The following KIAA1328 variants were observed in gnomAD, a reference collection of about 807,000 sequenced individuals.
KIAA1328 encodes KIAA1328.
A neutral mutation model predicts 68.1 loss-of-function variants in KIAA1328; 52 were observed. The observed-to-expected ratio is 0.76, with a 90% confidence interval of 0.61 to 0.96. The LOEUF (loss-of-function observed/expected upper bound fraction) is 0.96, where lower values mean the gene tolerates loss of function less well. KIAA1328 is among the 40% of genes least tolerant of loss of function. KIAA1328 has a pLI of 0.00. For synonymous variants in KIAA1328, 232 were observed against 239.4 expected (o/e 0.97, Z 0.28); for missense variants, 641 against 677.6 (o/e 0.95, Z 0.60).
chr18:37,091,963 A>G (rs1477004561), intron 7 of KIAA1328, among the ~76,000 whole-genome samples: 3 of 152,074 alleles, frequency 2.0e-5, no homozygotes, highest in South Asian at 4.1e-4. Context: ...ACAGAACAGC[A>G]CATGCCTTCA....
intron 7 of KIAA1328, among the ~76,000 whole-genome samples, chr18:37,070,098 T>C (rs2056473845): frequency 6.6e-6 from 1 of 152,150 alleles, no homozygotes; most frequent in Admixed American, 6.5e-5. Flanking sequence ...TATTTAGAAG[T>C]GTTATATTTA....
In KIAA1328 at chr18:37,071,471, G is replaced by A. The variant is rs559486896; in HGVS notation, c.1232+3926G>A. Among the ~76,000 whole-genome samples, 26 of 152,042 alleles carry A rather than the reference G, an allele frequency of 1.7e-4. No individual in the cohort carries two copies. The South Asian group carries it at 3.5e-3, about 21-fold the overall frequency. On this transcript the variant is annotated intron_variant, in intron 7 of 9. Coordinates refer to ENST00000280020, the MANE Select transcript of KIAA1328 (RefSeq NM_020776.3). ...AACTGTGGATTGAAAATAGTTGGGG[G>A]CAATAAATAATGCAACAATAAAACT...
At chr18:36,946,828 G>A (rs1323979725) in intron 5 of KIAA1328, among the ~76,000 whole-genome samples, 2 of 152,132 alleles carry the variant, frequency 1.3e-5, no homozygotes, top group Non-Finnish European at 2.9e-5. Context: ...TGTGAAATAG[G>A]TGATGATAGT....
chr18:36,941,941 A>G (rs2050728987), intron 5 of KIAA1328, among the ~76,000 whole-genome samples: 1 of 152,216 alleles, frequency 6.6e-6, no homozygotes, highest in African/African-American at 2.4e-5. Flanking sequence ...AAAGAACCTA[A>G]TAAAAATGAT....
Position 37,223,045 on chromosome 18 carries a change from T to TGGGGGGGGGGC in KIAA1328, c.*818_*819insGGGGGGGGGGC. On this transcript the variant is annotated 3_prime_UTR_variant, in exon 10 of 10. Coordinates refer to ENST00000280020, the MANE Select transcript of KIAA1328 (RefSeq NM_020776.3). ...TTATTTACCCAAGTGTTCAGCTTAT[T>TGGGGGGGGGGC]CACCCCACCCCCCCACCCCCCATCA... The TGGGGGGGGGGC allele has an allele frequency of 1.0e-6, 1 of 974,258 alleles. No individual in the cohort carries two copies. Among genetic ancestry groups the TGGGGGGGGGGC allele is most frequent in the Non-Finnish European group, 1.2e-6 (1 of 825,510 alleles). The allele number at this position is 974,258 out of a possible 1,614,324, so 60.4% of individuals were successfully genotyped here. A position where few individuals can be genotyped will look rare whatever the true frequency, so the allele number is the denominator to read the frequency against.
intron 7 of KIAA1328, among the ~76,000 whole-genome samples, chr18:37,115,373 TAAACGTA>T (rs1230001880): frequency 6.6e-6 from 1 of 152,142 alleles, no homozygotes; most frequent in African/African-American, 2.4e-5. Context: ...CACAAATCAA[TAAACGTA>T]ATCCATCATA....
chr18:36,913,479 T>TACACACACACACACACAC, intron 5 of KIAA1328, among the ~76,000 whole-genome samples: 1 of 91,426 alleles, frequency 1.1e-5, no homozygotes, highest in East Asian at 3.3e-4. Context: ...ATTACAACCT[T>TACACACACACACACACAC]ACACACACAC....
chr18:36,911,972 CTGAG>C (rs1182610248), intron 5 of KIAA1328, among the ~76,000 whole-genome samples: 1 of 149,126 alleles, frequency 6.7e-6, no homozygotes, highest in Non-Finnish European at 1.5e-5. Context: ...GAAGGCTTTA[CTGAG>C]TGAGAAAAAA....
chr18:36,944,307 G>A (rs1253472147), intron 5 of KIAA1328, among the ~76,000 whole-genome samples: 1 of 151,892 alleles, frequency 6.6e-6, no homozygotes, highest in East Asian at 1.9e-4. Context: ...GGCCAGGCGC[G>A]GTGGCTCACA....
intron 6 of KIAA1328, among the ~76,000 whole-genome samples, chr18:37,001,285 A>C (rs2053577368): frequency 6.6e-6 from 1 of 152,116 alleles, no homozygotes; most frequent in Non-Finnish European, 1.5e-5. Flanking sequence ...AAATGGATAA[A>C]TTCCTGGAAA....
chr18:37,070,319 T>G (rs1683510), intron 7 of KIAA1328, among the ~76,000 whole-genome samples: 61,466 of 151,966 alleles, frequency 0.4, 14,297 homozygotes, highest in African/African-American at 0.64. Context: ...CTGTAAATTG[T>G]ATCCTATTAT....
chr18:37,020,562 T>C (rs2054309674), intron 6 of KIAA1328, among the ~76,000 whole-genome samples: 1 of 152,348 alleles, frequency 6.6e-6, no homozygotes, highest in South Asian at 2.1e-4. Context: ...TTCAGAATGG[T>C]AAACAGTATG....
chr18:37,151,830 G>C (rs1270483893), intron 7 of KIAA1328, among the ~76,000 whole-genome samples: 1 of 152,128 alleles, frequency 6.6e-6, no homozygotes, highest in Non-Finnish European at 1.5e-5. Context: ...CCATAGAAGA[G>C]GGCAGCTAGG....
chr18:36,965,604 C>T (rs1452862179), intron 6 of KIAA1328, among the ~76,000 whole-genome samples: 1 of 148,934 alleles, frequency 6.7e-6, no homozygotes, highest in Non-Finnish European at 1.5e-5. Context: ...CTCCTGACCT[C>T]AGGTGATCCA....
chr18:36,923,586 G>C lies in KIAA1328; in HGVS notation c.449-35722G>C, dbSNP rs936497501. 2.6e-5 allele frequency among the ~76,000 whole-genome samples: 4 copies of C among 152,104 alleles called. No homozygotes were observed. The East Asian group carries it at 5.8e-4, about 22-fold the overall frequency. ...ATAAGTTGATTTGTATATCATTAAAGAAATTGTATTTGTAGTTAAAAACCA... is the reference window on the plus strand; with the variant it reads ...ATAAGTTGATTTGTATATCATTAAACAAATTGTATTTGTAGTTAAAAACCA... On this transcript the variant is annotated intron_variant, in intron 5 of 9. Transcript: ENST00000280020.
At chr18:36,893,453 G>GTTTT (rs2048760891) in intron 5 of KIAA1328, among the ~76,000 whole-genome samples, 3 of 137,916 alleles carry the variant, frequency 2.2e-5, no homozygotes, top group Non-Finnish European at 3.2e-5. Flanking sequence ...GTGTGTGTGT[G>GTTTT]TGTGTGTGTT....
At chr18:36,945,213 A>T (rs1372915477) in intron 5 of KIAA1328, among the ~76,000 whole-genome samples, 1 of 152,296 alleles carries the variant, frequency 6.6e-6, no homozygotes, top group East Asian at 1.9e-4. Context: ...CTATTCCTCT[A>T]TAACATTTCT....
At chr18:37,199,807 A>T (rs1297090007) in intron 9 of KIAA1328, among the ~76,000 whole-genome samples, 2 of 152,184 alleles carry the variant, frequency 1.3e-5, no homozygotes, top group African/African-American at 4.8e-5. Flanking sequence ...ATGAGATGGC[A>T]TCTCATTGTG....
At chr18:36,877,294 T>C (rs1194593258) in intron 4 of KIAA1328, among the ~76,000 whole-genome samples, 1 of 152,132 alleles carries the variant, frequency 6.6e-6, no homozygotes, top group Non-Finnish European at 1.5e-5. Flanking sequence ...CTATTATTAT[T>C]GTGTGGGAGT....
Sources: allele counts gnomAD v4.1 joint callset (sites outside exome capture counted in the v4.1 genomes callset), GRCh38; gene constraint gnomAD v4.1.1; transcripts MANE v1.5; gene names NCBI Gene and HGNC (gene_info 2026-07-23, HGNC 2026-07-21).